TBC1D32: variants seen among roughly 807,000 people sequenced by gnomAD.
The protein encoded by TBC1D32 is protein broad-minded.
TBC1D32 carries 151 observed loss-of-function variants against 170.3 expected under a neutral mutation model. That is an observed-to-expected ratio of 0.89 (90% confidence interval 0.78 to 1.01). TBC1D32 has a LOEUF of 1.01. Ranked by LOEUF, TBC1D32 falls within the 50% of genes least tolerant of loss-of-function variation. The pLI is 0.00. For synonymous variants in TBC1D32, 498 were observed against 488.0 expected (o/e 1.02, Z -0.27); for missense variants, 1,464 against 1,457.1 (o/e 1.00, Z -0.08).
chr6:121,084,757 G>C (rs1776010926), intron 31 of TBC1D32, among the ~76,000 whole-genome samples: 1 of 152,024 alleles, frequency 6.6e-6, no homozygotes, highest in Non-Finnish European at 1.5e-5. Flanking sequence ...TTGAAGATAA[G>C]GCCTTTTGCA....
At chr6:121,331,996 A>G (rs1811282941) in intron 1 of TBC1D32, among the ~76,000 whole-genome samples, 1 of 152,174 alleles carries the variant, frequency 6.6e-6, no homozygotes, top group Non-Finnish European at 1.5e-5. Context: ...ATTGTTTTTT[A>G]GGAGGCCACA....
At chr6:121,105,654 C>A (rs76869342) in intron 30 of TBC1D32, among the ~76,000 whole-genome samples, 3,754 of 151,924 alleles carry the variant, frequency 0.025, 167 homozygotes, top group East Asian at 0.13. Flanking sequence ...CAGGTTAATC[C>A]GCGGGGATTT....
intron 22 of TBC1D32, among the ~76,000 whole-genome samples, chr6:121,180,570 C>T (rs1788376068): frequency 6.6e-6 from 1 of 152,040 alleles, no homozygotes; most frequent in Non-Finnish European, 1.5e-5. Flanking sequence ...CTAGATCTTT[C>T]ACCATATGAA....
chr6:121,162,081 T>C (rs1470025186), intron 22 of TBC1D32, among the ~76,000 whole-genome samples: 2 of 152,208 alleles, frequency 1.3e-5, no homozygotes, highest in African/African-American at 4.8e-5. Flanking sequence ...TGCTGGATAT[T>C]AGGTGTTGTT....
chr6:121,287,698 A>G (rs979935935), intron 12 of TBC1D32, among the ~76,000 whole-genome samples: 7 of 152,206 alleles, frequency 4.6e-5, no homozygotes, highest in Admixed American at 2.0e-4. Flanking sequence ...AACAGAATAT[A>G]CATTCTTCCC....
At chr6:121,180,584 T>C (rs1320733113) in intron 22 of TBC1D32, among the ~76,000 whole-genome samples, 1 of 152,062 alleles carries the variant, frequency 6.6e-6, no homozygotes, top group African/African-American at 2.4e-5. Context: ...ATATGAAAAG[T>C]AAAGGCTTAA....
chr6:121,113,435 T>A (rs1218354840), intron 27 of TBC1D32, among the ~76,000 whole-genome samples: 2 of 152,208 alleles, frequency 1.3e-5, no homozygotes, highest in African/African-American at 4.8e-5. Context: ...TAAGCATTTT[T>A]TCCTGAACTT....
In TBC1D32 at chr6:121,131,666, T is replaced by G; in HGVS notation, c.2860A>C (p.Lys954Gln). The G allele has an allele frequency of 6.2e-7, 1 of 1,611,954 alleles. No individual in the cohort carries two copies. Among genetic ancestry groups the G allele is most frequent in the Non-Finnish European group, 8.5e-7 (1 of 1,178,888 alleles). ...WIENCQRQFCKMMKAKPDIIS... is the reference protein window; with the variant it reads ...WIENCQRQFCQMMKAKPDIIS... ...ATATCAGGTTTGGCTTTCATCATTTTGCAAAATTGTCTTTGGCAGTTTTCT... is the reference window on the plus strand; with the variant it reads ...ATATCAGGTTTGGCTTTCATCATTTGGCAAAATTGTCTTTGGCAGTTTTCT... The change falls in exon 25 of 32, where the codon AAA becomes CAA. Residue 954 changes from lysine to glutamine, a missense_variant. Coordinates refer to ENST00000398212, the MANE Select transcript of TBC1D32 (RefSeq NM_152730.6).
At chr6:121,089,957 C>A (rs1300731033) in intron 31 of TBC1D32, among the ~76,000 whole-genome samples, 5 of 144,428 alleles carry the variant, frequency 3.5e-5, no homozygotes, top group Non-Finnish European at 7.5e-5. Flanking sequence ...TTTTTGGAGA[C>A]GAGTCTCACT....
At chr6:121,213,407 T>C (rs914898832) in intron 21 of TBC1D32, among the ~76,000 whole-genome samples, 4 of 150,484 alleles carry the variant, frequency 2.7e-5, no homozygotes, top group Non-Finnish European at 4.4e-5. Flanking sequence ...ACTCCAACAA[T>C]AGCCAAGTCA....
chr6:121,199,124 T>C (rs187247885), intron 22 of TBC1D32, among the ~76,000 whole-genome samples: 1 of 150,636 alleles, frequency 6.6e-6, no homozygotes, highest in Admixed American at 6.6e-5. Flanking sequence ...GGTTGGAAAA[T>C]GTGCCTATCC....
chr6:121,215,154 C>A (rs768381647), intron 21 of TBC1D32, among the ~76,000 whole-genome samples: 3 of 152,196 alleles, frequency 2.0e-5, no homozygotes, highest in African/African-American at 7.2e-5. Context: ...TCAGAGGGAA[C>A]AAAGTGCATG....
intron 15 of TBC1D32, among the ~76,000 whole-genome samples, chr6:121,265,800 C>G (rs1302091174): frequency 6.6e-6 from 1 of 151,976 alleles, no homozygotes; most frequent in Non-Finnish European, 1.5e-5. Flanking sequence ...CTTTGACAAA[C>G]CTAACAAAAA....
In TBC1D32 at chr6:121,303,633, C is replaced by T; in HGVS notation, c.1064G>A (p.Trp355Ter). ...TTTCCTTACCATCCACTTTTTGAACCACACAGCCTTGGTATCAACTAATGC... is the reference window on the plus strand; with the variant it reads ...TTTCCTTACCATCCACTTTTTGAACTACACAGCCTTGGTATCAACTAATGC... ...FFALVDTKAV[W>*]FKKWMHAHYS... Residue 355 changes from tryptophan (W) to a stop codon, truncating the protein, a stop_gained, in exon 9 of 32, where the codon TGG becomes TAG. Coordinates refer to ENST00000398212, the MANE Select transcript of TBC1D32 (RefSeq NM_152730.6). LOFTEE classifies it high-confidence loss of function. 6.5e-7 allele frequency: 1 copy of T among 1,549,878 alleles called. No individual in the cohort carries two copies. The highest frequency in any genetic ancestry group is 8.8e-7 in the Non-Finnish European group (1 of 1,140,582).
Position 121,205,113 on chromosome 6 carries a change from A to T in TBC1D32, c.2532T>A (p.Ser844=). The change falls in exon 22 of 32, where the codon TCT becomes TCA. Residue 844 remains serine (S), a synonymous_variant. Transcript: ENST00000398212. ...TATGTGATTGTTCATAGTTGAATAA[A>T]GAACGAATCTTAGCTTCAGAATTCA... ...IILNSEAKIR[S]LFNYEQSHIF... is the part of the protein sequence containing the mutation. 6.5e-7 allele frequency: 1 copy of T among 1,538,206 alleles called. No individual in the cohort carries two copies. Among genetic ancestry groups the T allele is most frequent in the Non-Finnish European group, 8.8e-7 (1 of 1,134,468 alleles).
chr6:121,279,409 G>A (rs1463083844), intron 14 of TBC1D32, among the ~76,000 whole-genome samples, 164 bp from the exon 15 acceptor site: 1 of 151,986 alleles, frequency 6.6e-6, no homozygotes, highest in East Asian at 1.9e-4. Flanking sequence ...TGAAAAAAAT[G>A]TGTTATTAGA....
intron 20 of TBC1D32, chr6:121,224,332 C>A (rs889528341): frequency 2.0e-5 from 3 of 152,094 alleles, no homozygotes; most frequent in Non-Finnish European, 4.4e-5. Flanking sequence ...ATACTTATAT[C>A]TTTTGCTTGC....
chr6:121,237,216 T>G (rs967238316), intron 20 of TBC1D32, among the ~76,000 whole-genome samples: 1 of 152,092 alleles, frequency 6.6e-6, no homozygotes, highest in Non-Finnish European at 1.5e-5. Context: ...GATGCTCTAC[T>G]GCCTCCTGGT....
At chr6:121,264,040 G>A (rs1255101532) in intron 15 of TBC1D32, among the ~76,000 whole-genome samples, 1 of 151,968 alleles carries the variant, frequency 6.6e-6, no homozygotes, top group South Asian at 2.1e-4. Context: ...AGCGAATCAA[G>A]AGCAAACAAA....
Sources: allele counts gnomAD v4.1 joint callset (sites outside exome capture counted in the v4.1 genomes callset), GRCh38; gene constraint gnomAD v4.1.1; transcripts MANE v1.5; gene names NCBI Gene and HGNC (gene_info 2026-07-23, HGNC 2026-07-21).